Variants in OSBP2 observed in about 807,000 individuals in gnomAD.
The protein encoded by OSBP2 is oxysterol-binding protein 2.
In OSBP2, 66 loss-of-function variants were observed where a neutral mutation model predicts 96.0. The ratio of observed to expected loss-of-function variants is 0.69; its 90% CI spans 0.56 to 0.84. The LOEUF is 0.84. Among genes scored for constraint, OSBP2 ranks in the 40% least tolerant of loss-of-function variants. OSBP2 has a pLI of 0.00. For missense variants in OSBP2, 1,038 were observed against 1,222.7 expected (o/e 0.85, Z 2.25); for synonymous variants, 525 against 520.9 (o/e 1.01, Z -0.11).
chr22:30,827,260 TGGTGTGTGGCTTGTGGA>T (rs2038424511), intron 2 of OSBP2, among the ~76,000 whole-genome samples: 1 of 151,672 alleles, frequency 6.6e-6, no homozygotes, highest in African/African-American at 2.4e-5. Context: ...GCTCTGGAGG[TGGTGTGTGGCTTGTGGA>T]AAGGAGGCCT....
chr22:30,786,719 G>GGGGGT (rs899635886), intron 2 of OSBP2, among the ~76,000 whole-genome samples: 1 of 150,684 alleles, frequency 6.6e-6, no homozygotes, highest in Non-Finnish European at 1.5e-5. Context: ...AGCAGAGGGT[G>GGGGGT]GGGGTGGGGT....
intron 2 of OSBP2, among the ~76,000 whole-genome samples, chr22:30,789,973 G>A (rs1017518637): frequency 1.7e-4 from 26 of 152,064 alleles, no homozygotes; most frequent in Admixed American, 1.5e-3. Flanking sequence ...GTTGTTTCTT[G>A]TGTACCCCTC....
At chr22:30,873,359 C>T (rs1333675665) in intron 3 of OSBP2, among the ~76,000 whole-genome samples, 1 of 152,156 alleles carries the variant, frequency 6.6e-6, no homozygotes, top group African/African-American at 2.4e-5. Flanking sequence ...GGGCGGGATC[C>T]CAACCTCAAA....
At chr22:30,874,796 ACTGGCAGCTCC>A (rs2039543245) in intron 3 of OSBP2, among the ~76,000 whole-genome samples, 2 of 152,218 alleles carry the variant, frequency 1.3e-5, no homozygotes, top group Non-Finnish European at 2.9e-5. Context: ...CCCTTCAGGT[ACTGGCAGCTCC>A]CTTGTCATCC....
rs115675913 is a variant in OSBP2, at chr22:30,896,448, G to A, written c.2375+2447G>A. ...TGAGGAGAAGGGGAAGGATCTGAGGGATGTGAAGAAATGCTAAGTTCTTAT... is the reference window on the plus strand; with the variant it reads ...TGAGGAGAAGGGGAAGGATCTGAGGAATGTGAAGAAATGCTAAGTTCTTAT... On this transcript the variant is annotated intron_variant, in intron 12 of 13. Coordinates refer to ENST00000332585, the MANE Select transcript of OSBP2 (RefSeq NM_030758.4). Among the ~76,000 whole-genome samples, 982 of 152,290 alleles carry A rather than the reference G, an allele frequency of 6.4e-3. 19 individuals carry two copies. The highest frequency in any genetic ancestry group is 0.023 in the African/African-American group (942 of 41,540).
chr22:30,894,122 A>G (rs1419066000), intron 12 of OSBP2, 121 bp downstream of exon 12: 1 of 736,430 alleles, frequency 1.4e-6, no homozygotes, highest in Non-Finnish European at 2.2e-6. Flanking sequence ...GGCAGAGAAC[A>G]GTATTATGCA....
intron 2 of OSBP2, among the ~76,000 whole-genome samples, chr22:30,747,109 A>G (rs1406005277): frequency 2.0e-5 from 3 of 152,230 alleles, no homozygotes; most frequent in African/African-American, 4.8e-5. Context: ...ACGATCTGAC[A>G]AATATTCAAC....
At chr22:30,873,425 C>T (rs1257749474) in intron 3 of OSBP2, among the ~76,000 whole-genome samples, 2 of 152,166 alleles carry the variant, frequency 1.3e-5, no homozygotes, top group Non-Finnish European at 2.9e-5. Context: ...ATCCTCTGGT[C>T]ACCATGGCTG....
At chr22:30,889,286 G>A (rs1272575781) in intron 6 of OSBP2, 52 bp downstream of exon 6, 2 of 1,563,946 alleles carry the variant, frequency 1.3e-6, no homozygotes, top group Non-Finnish European at 1.7e-6. Flanking sequence ...TGGCCTAGGG[G>A]GTGGGAGGGA....
intron 2 of OSBP2, among the ~76,000 whole-genome samples, chr22:30,848,749 T>G (rs1351533084): frequency 1.3e-5 from 2 of 152,206 alleles, no homozygotes; most frequent in African/African-American, 4.8e-5. Flanking sequence ...GAATATGTAG[T>G]TTGTTCGTTT....
rs934859362 is a variant in OSBP2 at position 30,747,585 on chromosome 22, G to A, written c.853+6216G>A. 2.6e-5 allele frequency among the ~76,000 whole-genome samples: 4 copies of A among 152,174 alleles called. No individual in the cohort carries two copies. The East Asian group carries it at 5.8e-4, about 22-fold the overall frequency. On this transcript the variant is annotated intron_variant, in intron 2 of 13. Coordinates refer to ENST00000332585, the MANE Select transcript of OSBP2 (RefSeq NM_030758.4). The stretch of plus-strand genomic sequence containing the variant: ...TATCTTAAGTGGCTTGCTAGTGGTC[G>A]TTGGGTAAAATCCAAGCTCTTCCTC...
chr22:30,787,332 C>T (rs1053157592), intron 2 of OSBP2, among the ~76,000 whole-genome samples: 10 of 152,072 alleles, frequency 6.6e-5, no homozygotes, highest in African/African-American at 2.2e-4. Flanking sequence ...GAGGGGGAAG[C>T]CCCTTATAAA....
intron 2 of OSBP2, among the ~76,000 whole-genome samples, chr22:30,796,281 G>A (rs2090760013): frequency 6.6e-6 from 1 of 151,938 alleles, no homozygotes; most frequent in South Asian, 2.1e-4. Flanking sequence ...AGGGCCCCTT[G>A]GTTAACCAAG....
chr22:30,748,610 G>A (rs956361663), intron 2 of OSBP2, among the ~76,000 whole-genome samples: 1 of 152,200 alleles, frequency 6.6e-6, no homozygotes, highest in African/African-American at 2.4e-5. Context: ...CCTTGCAGAA[G>A]AAGACTGTGG....
At chr22:30,814,530 C>T (rs146974505) in intron 2 of OSBP2, among the ~76,000 whole-genome samples, 6 of 151,176 alleles carry the variant, frequency 4.0e-5, no homozygotes, top group Admixed American at 2.0e-4. Flanking sequence ...CTCCCGGGTT[C>T]AAGTGATTCT....
intron 1 of OSBP2, among the ~76,000 whole-genome samples, chr22:30,730,064 G>A (rs1475147340): frequency 1.3e-5 from 2 of 151,994 alleles, no homozygotes; most frequent in Non-Finnish European, 2.9e-5. Flanking sequence ...CCAGGTTCAA[G>A]CGATTCTCGT....
chr22:30,753,976 G>A lies in OSBP2; in HGVS notation c.853+12607G>A, dbSNP rs77175474. Among the ~76,000 whole-genome samples, 575 of 152,286 alleles carry A rather than the reference G, an allele frequency of 3.8e-3. 1 individual carries two copies. Among genetic ancestry groups the A allele is most frequent in the Middle Eastern group, 6.8e-3 (2 of 294 alleles). ...TCCACCTGTGTATTTGGGGCTGGAT[G>A]ACACATTGTTCCCTGTGTGGAATTT... On this transcript the variant is annotated intron_variant, in intron 2 of 13. Coordinates refer to ENST00000332585, the MANE Select transcript of OSBP2 (RefSeq NM_030758.4).
At chr22:30,806,686 CTG>C (rs1279795901) in intron 2 of OSBP2, among the ~76,000 whole-genome samples, 1 of 152,150 alleles carries the variant, frequency 6.6e-6, no homozygotes, top group Non-Finnish European at 1.5e-5. Context: ...CTCAGTGCCT[CTG>C]TGGGAAGCCT....
intron 2 of OSBP2, among the ~76,000 whole-genome samples, chr22:30,819,750 C>T (rs1418149189): frequency 2.0e-5 from 3 of 152,068 alleles, no homozygotes; most frequent in Non-Finnish European, 4.4e-5. Flanking sequence ...TCATTTTGTT[C>T]CAGGGTATGT....
Sources: allele counts gnomAD v4.1 joint callset (sites outside exome capture counted in the v4.1 genomes callset), GRCh38; gene constraint gnomAD v4.1.1; transcripts MANE v1.5; gene names NCBI Gene and HGNC (gene_info 2026-07-23, HGNC 2026-07-21).